The following ROBO2 variants were observed in gnomAD, a reference collection of about 807,000 sequenced individuals.
ROBO2 encodes the protein roundabout homolog 2.
ROBO2 carries 53 observed loss-of-function variants against 160.8 expected under a neutral mutation model. That is an observed-to-expected ratio of 0.33 (90% CI 0.26 to 0.41). The LOEUF is 0.41. Among genes scored for constraint, ROBO2 ranks in the 10% least tolerant of loss-of-function variants. The pLI is 1.00. For synonymous variants in ROBO2, 664 were observed against 611.7 expected (o/e 1.09, Z -1.26); for missense variants, 1,577 against 1,722.4 (o/e 0.92, Z 1.49).
chr3:76,040,152 G>T (rs1028009082), intron 2 of ROBO2, among the ~76,000 whole-genome samples: 2 of 151,556 alleles, frequency 1.3e-5, no homozygotes, highest in African/African-American at 4.9e-5. Flanking sequence ...TTTTTAAAAT[G>T]GGAAATTTTA....
chr3:77,571,795 A>G (rs1248383265), intron 13 of ROBO2, among the ~76,000 whole-genome samples: 1 of 151,918 alleles, frequency 6.6e-6, no homozygotes, highest in Non-Finnish European at 1.5e-5. Context: ...TGAGCTCCAA[A>G]ATTTAGTGAG....
chr3:76,192,531 CACACACACACACA>C (rs1702062039), intron 2 of ROBO2, among the ~76,000 whole-genome samples: 4 of 109,726 alleles, frequency 3.6e-5, no homozygotes, highest in African/African-American at 1.5e-4. Context: ...CCACCACACA[CACACACACACACA>C]CACACACACA....
intron 2 of ROBO2, among the ~76,000 whole-genome samples, chr3:77,347,626 C>T (rs552186770): frequency 2.0e-5 from 3 of 152,026 alleles, no homozygotes; most frequent in South Asian, 4.1e-4. Flanking sequence ...ACTGCCCTTA[C>T]GACCCACGGT....
intron 2 of ROBO2, among the ~76,000 whole-genome samples, chr3:76,371,980 A>G (rs897340883): frequency 4.6e-5 from 7 of 151,828 alleles, no homozygotes; most frequent in Non-Finnish European, 1.0e-4. Context: ...GTGTTCCCCT[A>G]CTTGATCTAC....
chr3:77,384,164 G>T (rs556543646), intron 2 of ROBO2, among the ~76,000 whole-genome samples: 1 of 152,270 alleles, frequency 6.6e-6, no homozygotes, highest in Middle Eastern at 3.4e-3. Context: ...TTTGGGTGGA[G>T]ACTAGTGCTC....
chr3:77,401,737 G>A (rs1367234338), intron 2 of ROBO2, among the ~76,000 whole-genome samples: 2 of 152,102 alleles, frequency 1.3e-5, no homozygotes, highest in Admixed American at 1.3e-4. Flanking sequence ...CGATGGTCAG[G>A]CATTTGTTAC....
At chr3:76,965,807 A>G (rs953438574) in intron 2 of ROBO2, among the ~76,000 whole-genome samples, 1 of 146,054 alleles carries the variant, frequency 6.8e-6, no homozygotes, top group Non-Finnish European at 1.5e-5. Context: ...ATATATATAT[A>G]TATTTCTTTA....
chr3:76,971,484 A>G (rs1386131779), intron 2 of ROBO2, among the ~76,000 whole-genome samples: 1 of 152,182 alleles, frequency 6.6e-6, no homozygotes, highest in Non-Finnish European at 1.5e-5. Flanking sequence ...TATATGTCAG[A>G]TGATGTATTA....
intron 2 of ROBO2, among the ~76,000 whole-genome samples, chr3:76,333,684 C>A (rs1475278054): frequency 1.3e-5 from 2 of 152,172 alleles, no homozygotes; most frequent in Non-Finnish European, 2.9e-5. Flanking sequence ...ACCACGCAAG[C>A]AAAAGAAGCC....
At chr3:76,427,760 C>T (rs2076277886) in intron 2 of ROBO2, among the ~76,000 whole-genome samples, 1 of 152,052 alleles carries the variant, frequency 6.6e-6, no homozygotes, top group African/African-American at 2.4e-5. Context: ...TATTTTTTGG[C>T]AAAGTAATCT....
intron 2 of ROBO2, among the ~76,000 whole-genome samples, chr3:77,189,888 A>G (rs2081657241): frequency 6.6e-6 from 1 of 151,894 alleles, no homozygotes; most frequent in African/African-American, 2.4e-5. Context: ...TGAGGCATAA[A>G]GAGATTAAGG....
chr3:77,128,582 G>A (rs754630843), intron 2 of ROBO2, among the ~76,000 whole-genome samples: 2 of 152,114 alleles, frequency 1.3e-5, no homozygotes, highest in Admixed American at 6.5e-5. Context: ...GATTGCTGGT[G>A]TAGTCCATCT....
chr3:77,344,821 A>G (rs1057373389), intron 2 of ROBO2, among the ~76,000 whole-genome samples: 3 of 152,116 alleles, frequency 2.0e-5, no homozygotes, highest in East Asian at 1.9e-4. Context: ...CTTTGAAAAT[A>G]ATAATATTAA....
intron 2 of ROBO2, among the ~76,000 whole-genome samples, chr3:77,203,144 T>C (rs918427540): frequency 3.9e-5 from 6 of 152,248 alleles, no homozygotes; most frequent in African/African-American, 1.4e-4. Context: ...AGTAATTTAT[T>C]GTTCCAGTTC....
chr3:76,983,409 T>C (rs183815591), intron 2 of ROBO2, among the ~76,000 whole-genome samples: 1 of 152,294 alleles, frequency 6.6e-6, no homozygotes, highest in African/African-American at 2.4e-5. Context: ...TAACAGACAA[T>C]ATATGATTTA....
At chr3:76,908,995 A>G (rs1384133744) in intron 2 of ROBO2, among the ~76,000 whole-genome samples, 16 of 152,180 alleles carry the variant, frequency 1.1e-4, no homozygotes. Context: ...TGGGAGGCTG[A>G]GCAGGGAGAA....
intron 2 of ROBO2, among the ~76,000 whole-genome samples, chr3:76,704,587 T>C (rs1032186153): frequency 1.3e-5 from 2 of 152,120 alleles, no homozygotes; most frequent in African/African-American, 4.8e-5. Context: ...GAAAGTACCA[T>C]ATATCATTAT....
At chr3:76,766,706 G>A (rs1376715567) in intron 2 of ROBO2, among the ~76,000 whole-genome samples, 6 of 151,576 alleles carry the variant, frequency 4.0e-5, no homozygotes, top group African/African-American at 1.2e-4. Context: ...CAAAGTTGGG[G>A]GTGGAGTGCT....
intron 2 of ROBO2, among the ~76,000 whole-genome samples, chr3:76,090,745 A>C (rs1347187921): frequency 2.6e-5 from 4 of 152,166 alleles, no homozygotes; most frequent in Non-Finnish European, 5.9e-5. Flanking sequence ...GAACAGACAC[A>C]TAGAACGGAA....
Sources: allele counts gnomAD v4.1 joint callset (sites outside exome capture counted in the v4.1 genomes callset), GRCh38; gene constraint gnomAD v4.1.1; transcripts MANE v1.5; gene names NCBI Gene and HGNC (gene_info 2026-07-23, HGNC 2026-07-21).